Variants in ZC3H12B observed in about 807,000 individuals in gnomAD.
The protein encoded by ZC3H12B is probable ribonuclease ZC3H12B.
In ZC3H12B, 7 loss-of-function variants were observed where a neutral mutation model predicts 43.9. The observed-to-expected ratio is 0.16, with a 90% confidence interval of 0.09 to 0.30. ZC3H12B has a LOEUF of 0.30. ZC3H12B is among the 10% of genes least tolerant of loss of function. The pLI is 1.00. For synonymous variants in ZC3H12B, 222 were observed against 241.7 expected (o/e 0.92, Z 0.76); for missense variants, 475 against 670.2 (o/e 0.71, Z 3.22).
At chrX:65,267,373 C>A in the ZC3H12B span, among the ~76,000 whole-genome samples, 1 of 109,352 alleles carries the variant, frequency 9.1e-6, no homozygotes, top group Non-Finnish European at 1.9e-5. Flanking sequence ...CAAAAAGCAG[C>A]AACAACAAAC....
chrX:65,169,722 A>T, the ZC3H12B span, among the ~76,000 whole-genome samples: 2 of 111,873 alleles, frequency 1.8e-5, no homozygotes, highest in Non-Finnish European at 3.8e-5. Flanking sequence ...GTGTTCCTGT[A>T]TTGGGTGCAT....
At chrX:65,477,520 C>T (rs764801568) in intron 3 of ZC3H12B, among the ~76,000 whole-genome samples, 18 of 111,446 alleles carry the variant, frequency 1.6e-4, no homozygotes, top group South Asian at 3.8e-4. Flanking sequence ...ATCAATAGGC[C>T]GGGCACGGTG....
the ZC3H12B span, among the ~76,000 whole-genome samples, chrX:65,141,276 A>G: frequency 9.1e-6 from 1 of 110,313 alleles, no homozygotes; most frequent in African/African-American, 3.3e-5. Context: ...CAAGATTTTA[A>G]AAAAATTCCC....
chrX:65,130,533 G>T, the ZC3H12B span, among the ~76,000 whole-genome samples: 3 of 110,988 alleles, frequency 2.7e-5, no homozygotes, highest in Admixed American at 9.6e-5. Context: ...GAAGGGAGGG[G>T]GCCTGAACAA....
At chrX:65,277,573 A>G in the ZC3H12B span, among the ~76,000 whole-genome samples, 2 of 112,320 alleles carry the variant, frequency 1.8e-5, no homozygotes, top group South Asian at 7.3e-4. Context: ...AACATGTGAA[A>G]TGATACAAGT....
the ZC3H12B span, among the ~76,000 whole-genome samples, chrX:65,259,724 T>C: frequency 1.8e-5 from 2 of 112,042 alleles, no homozygotes; most frequent in Non-Finnish European, 3.8e-5. Flanking sequence ...CTAGCAGGTA[T>C]CTACCCAAAG....
At chrX:65,281,274 C>A in the ZC3H12B span, among the ~76,000 whole-genome samples, 1 of 106,870 alleles carries the variant, frequency 9.4e-6, no homozygotes, top group East Asian at 2.9e-4. Flanking sequence ...GCTCTTTCAC[C>A]CCCAGGGTAG....
chrX:65,285,812 CA>C, the ZC3H12B span, among the ~76,000 whole-genome samples: 1 of 110,578 alleles, frequency 9.0e-6, no homozygotes, highest in African/African-American at 3.3e-5. Flanking sequence ...AAAAAGGACC[CA>C]AATGGCACCG....
the ZC3H12B span, among the ~76,000 whole-genome samples, chrX:65,192,962 C>T: frequency 9.0e-6 from 1 of 110,695 alleles, no homozygotes; most frequent in African/African-American, 3.3e-5. Context: ...TTAGTAGAGA[C>T]AAGGTTTCAC....
the ZC3H12B span, among the ~76,000 whole-genome samples, chrX:65,161,029 A>T: frequency 9.0e-6 from 1 of 110,985 alleles, no homozygotes; most frequent in African/African-American, 3.3e-5. Context: ...CCCAGTAGTC[A>T]TTCAGGAGCA....
At chrX:65,095,877 T>C in the ZC3H12B span, among the ~76,000 whole-genome samples, 1 of 110,712 alleles carries the variant, frequency 9.0e-6, no homozygotes, top group Non-Finnish European at 1.9e-5. Flanking sequence ...CTCTAAATCA[T>C]AGGACTGTAG....
chrX:65,477,375 G>A (rs924657172), intron 3 of ZC3H12B, among the ~76,000 whole-genome samples: 13 of 85,842 alleles, frequency 1.5e-4, no homozygotes, highest in African/African-American at 8.6e-4. Context: ...ACACACACAC[G>A]TGCACACACA....
chrX:65,056,273 G>C, the ZC3H12B span, among the ~76,000 whole-genome samples: 5 of 111,320 alleles, frequency 4.5e-5, no homozygotes, highest in South Asian at 1.2e-3. Flanking sequence ...GTGTCCCAGA[G>C]ATTCTGGTAT....
At chrX:65,415,533 T>G (rs987127153) in intron 3 of ZC3H12B, among the ~76,000 whole-genome samples, 1 of 112,383 alleles carries the variant, frequency 8.9e-6, no homozygotes, top group African/African-American at 3.2e-5. Flanking sequence ...GTCTGTTTCA[T>G]CAGTCTTAAA....
chrX:65,094,155 G>A, the ZC3H12B span, among the ~76,000 whole-genome samples: 1 of 109,732 alleles, frequency 9.1e-6, no homozygotes, highest in Non-Finnish European at 1.9e-5. Flanking sequence ...CTCCCCCTTT[G>A]CCTTCCACCA....
At position 65,374,778 on chromosome X, in the gene ZC3H12B, G is replaced by T. The variant is rs78562840; in HGVS notation, n.295+5780G>T. Among the ~76,000 whole-genome samples, 142 of 111,213 alleles carry T rather than the reference G, an allele frequency of 1.3e-3. 3 individuals are homozygous for T. The East Asian group carries it at 0.033, about 26-fold the overall frequency. ...ACTTACAATCACGGTGGAACGGGAA[G>T]CAATCATGTCCTTCTTCACATGGCA... On this transcript the variant is annotated intron_variant and non_coding_transcript_variant, in intron 2 of 5. Coordinates refer to the ZC3H12B transcript ENST00000617377.
chrX:65,499,086 A>G, exon 3 of ZC3H12B: 1 of 1,211,452 alleles, frequency 8.3e-7, no homozygotes, highest in Non-Finnish European at 1.1e-6. Flanking sequence ...GTTGTCTGCT[A>G]TGATGACCGG....
Position 65,461,483 on chromosome X carries a change from C to G in ZC3H12B, n.408-27163C>G, listed in dbSNP as rs766376582. On this transcript the variant is annotated intron_variant and non_coding_transcript_variant, in intron 3 of 5. Coordinates refer to the ZC3H12B transcript ENST00000617377. ...TCCAACAATGATAGACGGGATTAAG[C>G]AAACGTGGCACATATACACCATGGA... is the stretch of plus-strand genomic sequence containing the variant. Among the ~76,000 whole-genome samples, 6 of 112,248 alleles carry G rather than the reference C, an allele frequency of 5.3e-5. No individual in the cohort carries two copies. In the South Asian group the frequency reaches 2.2e-3, roughly 42 times the overall value.
chrX:65,276,875 C>T, the ZC3H12B span, among the ~76,000 whole-genome samples: 2 of 111,507 alleles, frequency 1.8e-5, no homozygotes, highest in Admixed American at 9.5e-5. Context: ...AGCACAAGTC[C>T]TCATCTATCA....
Sources: allele counts gnomAD v4.1 joint callset (sites outside exome capture counted in the v4.1 genomes callset), GRCh38; gene constraint gnomAD v4.1.1; transcripts MANE v1.5; gene names NCBI Gene and HGNC (gene_info 2026-07-23, HGNC 2026-07-21).